Variants in LHFPL6 observed in about 807,000 individuals in gnomAD.
LHFPL6 encodes the protein LHFPL tetraspan subfamily member 6 protein.
Under a neutral mutation model 20.6 loss-of-function variants are expected in LHFPL6, and 9 were observed. That is an observed-to-expected ratio of 0.44 (90% CI 0.26 to 0.76). The LOEUF (loss-of-function observed/expected upper bound fraction) is 0.76, where lower values mean the gene tolerates loss of function less well. Ranked by LOEUF, LHFPL6 falls within the 30% of genes least tolerant of loss-of-function variation. LHFPL6 has a pLI of 0.20. For synonymous variants in LHFPL6, 105 were observed against 98.7 expected, an observed-to-expected ratio of 1.06 and a Z score of -0.38; for missense variants, 218 against 253.5, an observed-to-expected ratio of 0.86 and a Z score of 0.95.
At chr13:39,574,430 C>T (rs1872044127) in intron 2 of LHFPL6, among the ~76,000 whole-genome samples, 1 of 148,520 alleles carries the variant, frequency 6.7e-6, no homozygotes, top group Non-Finnish European at 1.5e-5. Context: ...TTGCAGTGAG[C>T]TGAGATCGTG....
chr13:39,430,714 A>G (rs749362702), intron 2 of LHFPL6, among the ~76,000 whole-genome samples: 3 of 152,218 alleles, frequency 2.0e-5, no homozygotes, highest in Non-Finnish European at 4.4e-5. Context: ...AAACACATCA[A>G]TCGGCACTCT....
At chr13:39,460,383 G>T (rs1872662310) in intron 2 of LHFPL6, among the ~76,000 whole-genome samples, 1 of 152,132 alleles carries the variant, frequency 6.6e-6, no homozygotes, top group East Asian at 1.9e-4. Flanking sequence ...TGGTGGAAAT[G>T]GTTAATTATG....
chr13:39,572,747 ATC>A (rs1225847743), intron 2 of LHFPL6, among the ~76,000 whole-genome samples: 2 of 152,102 alleles, frequency 1.3e-5, no homozygotes, highest in Non-Finnish European at 2.9e-5. Context: ...AAATAGCCAG[ATC>A]TTAACCTTCT....
At chr13:39,367,511 T>C (rs1303107662) in intron 3 of LHFPL6, among the ~76,000 whole-genome samples, 2 of 152,308 alleles carry the variant, frequency 1.3e-5, no homozygotes. Context: ...CTTTCGTAGA[T>C]AATGAAATCA....
At chr13:39,549,689 A>T (rs73466849) in intron 2 of LHFPL6, among the ~76,000 whole-genome samples, 2,641 of 152,206 alleles carry the variant, frequency 0.017, 89 homozygotes, top group African/African-American at 0.061. Flanking sequence ...TGAAAACTTA[A>T]GTTCACCCGA....
chr13:39,381,080 C>T (rs1228373022), intron 2 of LHFPL6, among the ~76,000 whole-genome samples: 1 of 152,196 alleles, frequency 6.6e-6, no homozygotes, highest in Non-Finnish European at 1.5e-5. Flanking sequence ...CACCCTCCTC[C>T]ACTCAGTCCG....
chr13:39,536,726 C>T (rs958131211), intron 2 of LHFPL6, among the ~76,000 whole-genome samples: 2 of 152,194 alleles, frequency 1.3e-5, no homozygotes, highest in African/African-American at 2.4e-5. Context: ...ATGTCTTGCA[C>T]ATCTAACCAG....
intron 2 of LHFPL6, among the ~76,000 whole-genome samples, chr13:39,560,610 G>A (rs1871446157): frequency 6.7e-6 from 1 of 148,524 alleles, no homozygotes; most frequent in Non-Finnish European, 1.5e-5. Flanking sequence ...CGCCTCCCGG[G>A]TTCACGCCAT....
intron 2 of LHFPL6, among the ~76,000 whole-genome samples, chr13:39,549,710 C>G (rs1871092258): frequency 6.6e-6 from 1 of 151,994 alleles, no homozygotes; most frequent in Non-Finnish European, 1.5e-5. Flanking sequence ...ATCTTTCAAA[C>G]AAAATGTTTA....
At chr13:39,444,387 A>G (rs1208726289) in intron 2 of LHFPL6, among the ~76,000 whole-genome samples, 5 of 152,164 alleles carry the variant, frequency 3.3e-5, no homozygotes, top group Non-Finnish European at 5.9e-5. Context: ...GACGTTTGCT[A>G]AAGAGATTCA....
intron 2 of LHFPL6, among the ~76,000 whole-genome samples, chr13:39,453,089 C>T (rs1872491059): frequency 2.6e-5 from 4 of 152,202 alleles, no homozygotes; most frequent in Admixed American, 2.6e-4. Context: ...ACTTCACTCA[C>T]CTGCATATAC....
At chr13:39,566,602 G>A (rs1349160659) in intron 2 of LHFPL6, among the ~76,000 whole-genome samples, 2 of 151,674 alleles carry the variant, frequency 1.3e-5, no homozygotes, top group East Asian at 3.9e-4. Context: ...GCATGGTGGC[G>A]TGTACCTGTA....
At chr13:39,469,109 T>G (rs1019936939) in intron 2 of LHFPL6, among the ~76,000 whole-genome samples, 1 of 152,162 alleles carries the variant, frequency 6.6e-6, no homozygotes. Context: ...ACTTCTTAAC[T>G]CTCTTGCCAG....
intron 2 of LHFPL6, among the ~76,000 whole-genome samples, chr13:39,438,313 C>A (rs1379062576): frequency 6.6e-6 from 1 of 152,140 alleles, no homozygotes; most frequent in African/African-American, 2.4e-5. Flanking sequence ...TTCTAAGTAG[C>A]AAAGCATTCA....
At chr13:39,478,683 T>C (rs1283905332) in intron 2 of LHFPL6, among the ~76,000 whole-genome samples, 1 of 152,154 alleles carries the variant, frequency 6.6e-6, no homozygotes, top group Non-Finnish European at 1.5e-5. Flanking sequence ...CATAAGCACC[T>C]GGATAGAGCA....
At chr13:39,431,897 A>G (rs1407188545) in intron 2 of LHFPL6, among the ~76,000 whole-genome samples, 2 of 151,122 alleles carry the variant, frequency 1.3e-5, no homozygotes. Flanking sequence ...GTCTGTCCCT[A>G]CCCCCTGCTA....
At chr13:39,400,566 G>A (rs1274585260) in intron 2 of LHFPL6, among the ~76,000 whole-genome samples, 2 of 151,666 alleles carry the variant, frequency 1.3e-5, no homozygotes, top group East Asian at 1.9e-4. Context: ...GGCGGATCAC[G>A]AGGTCAGGAG....
intron 2 of LHFPL6, among the ~76,000 whole-genome samples, chr13:39,457,512 C>G (rs1371385782): frequency 1.3e-5 from 2 of 152,188 alleles, no homozygotes; most frequent in Non-Finnish European, 2.9e-5. Flanking sequence ...AAGTAGATCT[C>G]TCATACATTG....
intron 3 of LHFPL6, among the ~76,000 whole-genome samples, chr13:39,375,768 C>T (rs1870279955): frequency 6.9e-6 from 1 of 143,894 alleles, no homozygotes; most frequent in Non-Finnish European, 1.5e-5. Flanking sequence ...GTCTTCTTTT[C>T]AAAGAATAGA....
Sources: allele counts gnomAD v4.1 joint callset (sites outside exome capture counted in the v4.1 genomes callset), GRCh38; gene constraint gnomAD v4.1.1; transcripts MANE v1.5; gene names NCBI Gene and HGNC (gene_info 2026-07-23, HGNC 2026-07-21).